Variants in SCGB1C2 observed in about 807,000 individuals in gnomAD.
SCGB1C2 encodes the protein secretoglobin family 1C member 2.
Under a neutral mutation model 8.4 loss-of-function variants are expected in SCGB1C2, and 3 were observed. The observed-to-expected ratio is 0.36, with a 90% CI of 0.16 to 0.92. The LOEUF (loss-of-function observed/expected upper bound fraction) is 0.92, where lower values mean the gene tolerates loss of function less well. SCGB1C2 is among the 40% of genes least tolerant of loss of function. SCGB1C2 has a pLI of 0.45. For missense variants in SCGB1C2, 54 were observed against 105.7 expected, an observed-to-expected ratio of 0.51 and a Z score of 2.14; for synonymous variants, 18 against 44.9, an observed-to-expected ratio of 0.40 and a Z score of 2.39.
intron 2 of SCGB1C2, among the ~76,000 whole-genome samples, chr17:138,669 A>C (rs2039967797): frequency 1.2e-5 from 1 of 81,344 alleles, no homozygotes; most frequent in Admixed American, 1.2e-4. Context: ...GCAGACATGA[A>C]ATGTACACTG....
At chr17:138,760 C>T in intron 2 of SCGB1C2, 150 bp from the exon 3 acceptor site, 2 of 506,794 alleles carry the variant, frequency 3.9e-6, no homozygotes, top group Admixed American at 3.7e-5. Context: ...CACACCATCA[C>T]ATGTGCACAC....
chr17:138,437 T>TTGGAAGCGATGGTGTGGA, intron 2 of SCGB1C2, 35 bp downstream of exon 2: 2 of 1,102,506 alleles, frequency 1.8e-6, no homozygotes, highest in Non-Finnish European at 2.6e-6. Flanking sequence ...TTTCTAAAGA[T>TTGGAAGCGATGGTGTGGA]CTGCAGCCTT....
At position 138,373 on chromosome 17, in the gene SCGB1C2, A is replaced by G; in HGVS notation, c.226A>G (p.Met76Val). ...LKSCRDGLQP[M>V]HKAELVKLLV... is the part of the protein sequence containing the mutation. Reference sequence around the variant, plus strand: ...GTCCTGCAGAGATGGCCTGCAGCCAATGCACAAGGCGGAGCTGGTCAAGCT... The same window carrying G: ...GTCCTGCAGAGATGGCCTGCAGCCAGTGCACAAGGCGGAGCTGGTCAAGCT... The change falls in exon 2 of 3, where the codon ATG becomes GTG. Residue 76 changes from methionine (M) to valine (V), a missense_variant. By Grantham distance (21) the Met-to-Val change is conservative. Coordinates refer to ENST00000595228, the MANE Select transcript of SCGB1C2 (RefSeq NM_001097610.3). 1 of 1,612,346 alleles carries G rather than the reference A, an allele frequency of 6.2e-7. No homozygotes were observed. Among genetic ancestry groups the G allele is most frequent in the Non-Finnish European group, 8.5e-7 (1 of 1,179,696 alleles).
At chr17:138,566 G>A (rs1283990811) in intron 2 of SCGB1C2, among the ~76,000 whole-genome samples, 164 bp downstream of exon 2, 4 of 101,816 alleles carry the variant, frequency 3.9e-5, no homozygotes, top group South Asian at 3.8e-4. Flanking sequence ...CCTGTCCACC[G>A]AGCAGCCCCC....
intron 1 of SCGB1C2, among the ~76,000 whole-genome samples, chr17:137,988 T>G (rs1209094051): frequency 2.6e-5 from 2 of 75,586 alleles, no homozygotes; most frequent in African/African-American, 5.5e-5. Context: ...GAATGCTGAG[T>G]GGAAATTGGA....
chr17:138,262 G>C lies in SCGB1C2; in HGVS notation c.115G>C (p.Val39Leu). ...CATGGACTTCCTGCAAACACTACTG[G>C]TGGGGACCCCAGAGGAGCTCTATGA... ...FFMDFLQTLL[V>L]GTPEELYEGT... The change falls in exon 2 of 3, where the codon GTG (valine) becomes CTG (leucine). Residue 39 changes from valine to leucine, a missense_variant. Val to Leu is a conservative substitution (Grantham distance 32, BLOSUM62 1). This residue lies in a region of SCGB1C2 where 54 missense variants were observed against 68.0 expected (regional missense o/e 0.79). Transcript: ENST00000595228. 8.2e-7 allele frequency: 1 copy of C among 1,220,860 alleles called. No homozygotes were observed. Among genetic ancestry groups the C allele is most frequent in the Non-Finnish European group, 1.2e-6 (1 of 834,058 alleles). The allele number at this position is 1,220,860 out of a possible 1,614,324, so 75.6% of individuals were successfully genotyped here. A position where few individuals can be genotyped will look rare whatever the true frequency, so the allele number is the denominator to read the frequency against.
chr17:137,604 G>A lies in SCGB1C2; in HGVS notation c.14G>A (p.Arg5His), dbSNP rs1200986629. 3,108 of 1,503,188 alleles carry A rather than the reference G, an allele frequency of 2.1e-3. 206 individuals carry two copies. The African/African-American group carries it at 0.039, about 19-fold the overall frequency. 93.1% of individuals were successfully genotyped at this position (1,503,188 alleles called of 1,614,324 possible). ...GAGACTGCCGGCATGAAGGGGAGCCGTGCCCTCCTGCTGGTGGCCCTCACC... is the reference window on the plus strand; with the variant it reads ...GAGACTGCCGGCATGAAGGGGAGCCATGCCCTCCTGCTGGTGGCCCTCACC... MKGS[R>H]ALLLVALTLF... The change falls in exon 1 of 3, where the codon CGT becomes CAT. Residue 5 changes from arginine to histidine, a missense_variant. Arg to His is a conservative substitution (Grantham distance 29). Transcript: ENST00000595228.
Position 138,916 on chromosome 17 carries a change from G to A in SCGB1C2, c.262G>A (p.Val88Met). ...ACATGTGTCTGCCTTCCAGGTGCAA[G>A]TGCTGGGCAGTCAGGACGGTGCCTA... ...KAELVKLLVQ[V>M]LGSQDGA Residue 88 changes from valine to methionine, a missense_variant, in exon 3 of 3, where the codon GTG becomes ATG. Around this residue, in one of 2 missense-constraint regions of SCGB1C2, gnomAD observed 54 missense variants for 68.0 expected, o/e 0.79. Transcript: ENST00000595228. 1.5e-6 allele frequency: 1 copy of A among 687,012 alleles called. No homozygotes were observed. The highest frequency in any genetic ancestry group is 1.6e-5 in the South Asian group (1 of 62,710). The allele number at this position is 687,012 out of a possible 1,614,324, so 42.6% of individuals were successfully genotyped here.
At chr17:137,695 TG>T (rs1381644916) in intron 1 of SCGB1C2, 50 bp downstream of exon 1, 2 of 341,680 alleles carry the variant, frequency 5.9e-6, no homozygotes, top group Non-Finnish European at 5.7e-6. Flanking sequence ...CGGGGGGGAG[TG>T]GGGGGTACCT....
rs1464901902 is a variant in SCGB1C2 at position 138,315 on chromosome 17, C to T, written c.168C>T (p.Asn56=). The T allele has an allele frequency of 2.0e-4, 317 of 1,607,874 alleles. No homozygotes were observed. Among genetic ancestry groups the T allele is most frequent in the Middle Eastern group, 6.7e-4 (4 of 6,002 alleles). Residue 56 remains asparagine, a synonymous_variant, in exon 2 of 3, where the codon AAC becomes AAT. Transcript: ENST00000595228. ...YEGTLGKYNV[N]EDAKAAMTEL... ...GGACCTTGGGCAAGTACAATGTCAACGAAGATGCCAAGGCAGCAATGACTG... is the reference window on the plus strand; with the variant it reads ...GGACCTTGGGCAAGTACAATGTCAATGAAGATGCCAAGGCAGCAATGACTG...
intron 1 of SCGB1C2, 53 bp from the exon 2 acceptor site, chr17:138,150 G>A: frequency 3.7e-6 from 1 of 272,442 alleles, no homozygotes; most frequent in Admixed American, 4.8e-5. Context: ...CAGGGCTGTG[G>A]TTGCACCAGA....
Position 138,367 on chromosome 17 carries a change from C to T in SCGB1C2, c.220C>T (p.Gln74Ter), listed in dbSNP as rs1317655708. The change falls in exon 2 of 3, where the codon CAG (glutamine) becomes TAG (stop). Residue 74 changes from glutamine (Q) to a stop codon, truncating the protein, a stop_gained. Transcript: ENST00000595228. LOFTEE classifies it high-confidence loss of function. ...TELKSCRDGL[Q>*]PMHKAELVKL... ...ACTCAAGTCCTGCAGAGATGGCCTG[C>T]AGCCAATGCACAAGGCGGAGCTGGT... is the stretch of plus-strand genomic sequence containing the variant. 7 of 1,612,666 alleles carry T rather than the reference C, an allele frequency of 4.3e-6. No homozygotes were observed. Among genetic ancestry groups the T allele is most frequent in the East Asian group, 2.2e-5 (1 of 44,828 alleles).
intron 2 of SCGB1C2, among the ~76,000 whole-genome samples, 154 bp from the exon 3 acceptor site, chr17:138,756 A>G (rs1166192310): frequency 5.9e-5 from 5 of 84,812 alleles, no homozygotes; most frequent in Non-Finnish European, 1.3e-4. Flanking sequence ...TGTGCACACC[A>G]TCACATGTGC....
Position 138,920 on chromosome 17 carries a change from TG to T in SCGB1C2, c.269del (p.Gly90AlafsTer16). The T allele has an allele frequency of 1.5e-6, 1 of 687,996 alleles. No homozygotes were observed. The highest frequency in any genetic ancestry group is 2.1e-5 in the African/African-American group (1 of 47,806). 42.6% of individuals were successfully genotyped at this position (687,996 alleles called of 1,614,324 possible). The stretch of plus-strand genomic sequence containing the variant: ...GTGTCTGCCTTCCAGGTGCAAGTGC[TG>T]GGCAGTCAGGACGGTGCCTAAGTGG... ...AELVKLLVQVLGSQDGA is the reference protein window; with the variant it reads ...AELVKLLVQVXGSQDGA On this transcript the variant is annotated frameshift_variant, in exon 3 of 3. Coordinates refer to ENST00000595228, the MANE Select transcript of SCGB1C2 (RefSeq NM_001097610.3). LOFTEE classifies it high-confidence loss of function.
At chr17:137,792 CCG>C in intron 1 of SCGB1C2, 147 bp downstream of exon 1, 1 of 595,030 alleles carries the variant, frequency 1.7e-6, no homozygotes, top group South Asian at 1.9e-5. Flanking sequence ...CCTGCAGAAC[CCG>C]CGCCCACCCT....
rs1424311409 is a variant in SCGB1C2 at position 138,316 on chromosome 17, G to A, written c.169G>A (p.Glu57Lys). The A allele has an allele frequency of 2.3e-4, 378 of 1,609,096 alleles. 1 individual carries two copies. The Middle Eastern group carries it at 6.2e-3, about 26-fold the overall frequency. Reference protein sequence around the residue: ...EGTLGKYNVNEDAKAAMTELK... With the variant: ...EGTLGKYNVNKDAKAAMTELK... ...GACCTTGGGCAAGTACAATGTCAAC[G>A]AAGATGCCAAGGCAGCAATGACTGA... is the stretch of plus-strand genomic sequence containing the variant. Residue 57 changes from glutamate (E) to lysine (K), a missense_variant, in exon 2 of 3, where the codon GAA (glutamate) becomes AAA (lysine). Glu to Lys is a moderately conservative substitution (Grantham distance 56). This residue lies in a region of SCGB1C2 where 54 missense variants were observed against 68.0 expected (regional missense o/e 0.79). Coordinates refer to ENST00000595228, the MANE Select transcript of SCGB1C2 (RefSeq NM_001097610.3).
intron 2 of SCGB1C2, among the ~76,000 whole-genome samples, 172 bp from the exon 3 acceptor site, chr17:138,738 C>T (rs1385890625): frequency 0.12 from 9,212 of 78,326 alleles, 726 homozygotes; most frequent in South Asian, 0.24. Flanking sequence ...TATGCACACA[C>T]ATACATGTGT....
In SCGB1C2 at chr17:139,000, A is replaced by G; in HGVS notation, c.*58A>G. ...TGCCACACAAGCAGCCGTGGACACA[A>G]CGCCCACTACCACCTCCCACATGGA... On this transcript the variant is annotated 3_prime_UTR_variant, in exon 3 of 3. Transcript: ENST00000595228. 1.7e-6 allele frequency: 1 copy of G among 580,866 alleles called. No individual in the cohort carries two copies. Among genetic ancestry groups the G allele is most frequent in the Non-Finnish European group, 3.1e-6 (1 of 325,526 alleles). The allele number at this position is 580,866 out of a possible 1,614,324, so 36.0% of individuals were successfully genotyped here. A position where few individuals can be genotyped will look rare whatever the true frequency, so the allele number is the denominator to read the frequency against.
In SCGB1C2 at chr17:138,360, T is replaced by C. The variant is rs1489292520; in HGVS notation, c.213T>C (p.Asp71=). The C allele has an allele frequency of 1.1e-5, 18 of 1,612,720 alleles. No individual in the cohort carries two copies. Among genetic ancestry groups the C allele is most frequent in the Non-Finnish European group, 1.4e-5 (17 of 1,179,818 alleles). ...TGACTGAACTCAAGTCCTGCAGAGA[T>C]GGCCTGCAGCCAATGCACAAGGCGG... ...AAMTELKSCR[D]GLQPMHKAEL... The change falls in exon 2 of 3, where the codon GAT becomes GAC. Residue 71 remains aspartate, a synonymous_variant. Transcript: ENST00000595228.
Sources: gnomAD v4.1 joint callset for allele counts (sites outside exome capture counted in the v4.1 genomes callset) on GRCh38, gnomAD v4.1.1 for gene constraint, gnomAD v4.1.1 regional missense constraint, MANE v1.5 for transcripts, NCBI Gene and HGNC (gene_info 2026-07-23, HGNC 2026-07-21) for gene names.